Variants in MEIS2 observed in about 807,000 individuals in gnomAD.
MEIS2 encodes the protein Meis homeobox 2.
In MEIS2, 9 loss-of-function variants were observed where a neutral mutation model predicts 58.6. The ratio of observed to expected loss-of-function variants is 0.15; its 90% confidence interval spans 0.09 to 0.27. The LOEUF (loss-of-function observed/expected upper bound fraction) is 0.27. Ranked by LOEUF, MEIS2 falls within the 10% of genes least tolerant of loss-of-function variation. The pLI, the probability that MEIS2 is intolerant of heterozygous loss-of-function variation, is 1.00. For missense variants in MEIS2, 427 were observed against 635.0 expected (o/e 0.67, Z 3.52); for synonymous variants, 221 against 228.4 (o/e 0.97, Z 0.29).
chr15:36,905,386 G>T (rs2056680726), intron 9 of MEIS2, among the ~76,000 whole-genome samples: 1 of 151,874 alleles, frequency 6.6e-6, no homozygotes, highest in Non-Finnish European at 1.5e-5. Flanking sequence ...CTCTATCTAG[G>T]GGAACAGAGA....
intron 9 of MEIS2, among the ~76,000 whole-genome samples, chr15:36,904,960 G>A (rs765768411): frequency 6.6e-6 from 1 of 152,132 alleles, no homozygotes; most frequent in Non-Finnish European, 1.5e-5. Flanking sequence ...TCAACCAAGT[G>A]GGACATGCAA....
intron 9 of MEIS2, among the ~76,000 whole-genome samples, chr15:36,932,342 C>T (rs72708692): frequency 0.16 from 23,574 of 152,020 alleles, 2,104 homozygotes; most frequent in Non-Finnish European, 0.18. Flanking sequence ...GTGCTCAGGC[C>T]TCTATAGTGG....
intron 8 of MEIS2, among the ~76,000 whole-genome samples, chr15:37,009,254 A>G (rs553510841): frequency 1.6e-4 from 24 of 152,262 alleles, no homozygotes; most frequent in Non-Finnish European, 2.4e-4. Flanking sequence ...GCGCCACTGC[A>G]CTCCAGCCTG....
chr15:37,039,981 G>C (rs985414457), intron 7 of MEIS2, among the ~76,000 whole-genome samples: 2 of 151,370 alleles, frequency 1.3e-5, no homozygotes, highest in Non-Finnish European at 2.9e-5. Context: ...ACAACTGCGT[G>C]AACTGCAACC....
intron 9 of MEIS2, chr15:36,903,987 A>C (rs1324852079): frequency 6.6e-6 from 1 of 152,228 alleles, no homozygotes; most frequent in Non-Finnish European, 1.5e-5. Context: ...TCATCTGCTC[A>C]GAAGAAGATG....
intron 8 of MEIS2, among the ~76,000 whole-genome samples, chr15:36,996,415 C>G (rs528714722): frequency 1.3e-5 from 2 of 152,222 alleles, no homozygotes; most frequent in South Asian, 4.2e-4. Context: ...TCCTCCTCCC[C>G]TATTTTTTTT....
intron 8 of MEIS2, among the ~76,000 whole-genome samples, chr15:36,990,911 TGCTAAACACAAGACTATTAGG>T (rs1468912086): frequency 6.6e-6 from 1 of 152,136 alleles, no homozygotes; most frequent in Non-Finnish European, 1.5e-5. Context: ...ATCCAAAATG[TGCTAAACACAAGACTATTAGG>T]CTTTTTCCTG....
chr15:37,084,689 G>A (rs1251208670), intron 6 of MEIS2, among the ~76,000 whole-genome samples: 1 of 152,148 alleles, frequency 6.6e-6, no homozygotes, highest in Non-Finnish European at 1.5e-5. Flanking sequence ...AAGAGTTATA[G>A]CTCATGCTAC....
intron 8 of MEIS2, among the ~76,000 whole-genome samples, chr15:36,985,370 ATCT>A (rs962052768): frequency 2.0e-5 from 3 of 151,874 alleles, no homozygotes; most frequent in African/African-American, 4.8e-5. Context: ...ATCTTCTTTC[ATCT>A]TCTTCTGTTT....
At chr15:37,065,315 G>A (rs1477646873) in intron 7 of MEIS2, among the ~76,000 whole-genome samples, 3 of 152,172 alleles carry the variant, frequency 2.0e-5, no homozygotes, top group Non-Finnish European at 4.4e-5. Flanking sequence ...AACAACCCTG[G>A]AAGTCAAGAA....
chr15:36,994,204 T>G (rs1298619736), intron 8 of MEIS2, among the ~76,000 whole-genome samples: 1 of 151,860 alleles, frequency 6.6e-6, no homozygotes, highest in Non-Finnish European at 1.5e-5. Context: ...CAAACATAAG[T>G]GAGCTGGTTA....
intron 8 of MEIS2, 25 bp from the exon 9 acceptor site, chr15:36,950,425 AAG>A: frequency 6.2e-7 from 1 of 1,601,946 alleles, no homozygotes; most frequent in South Asian, 1.1e-5. Flanking sequence ...AATGTTTTAA[AAG>A]ATGGATCAGA....
At chr15:36,929,045 A>G (rs576947573) in intron 9 of MEIS2, among the ~76,000 whole-genome samples, 4 of 152,382 alleles carry the variant, frequency 2.6e-5, no homozygotes, top group South Asian at 2.1e-4. Flanking sequence ...AACTAATTAT[A>G]TAACTCTTCT....
intron 4 of MEIS2, 142 bp downstream of exon 4, chr15:37,095,422 A>G: frequency 7.6e-7 from 1 of 1,317,264 alleles, no homozygotes; most frequent in Non-Finnish European, 1.1e-6. Context: ...CGGGGGCTCT[A>G]AGCTGCTCCC....
chr15:37,099,602 A>AT lies in MEIS2; in HGVS notation c.-137dup, dbSNP rs573665579. ...ACTTCTCCCAATTCTCCAATATGCTATTTTTTAGGGGGGAAAAAAAGCCCA... is the reference window on the plus strand; with the variant it reads ...ACTTCTCCCAATTCTCCAATATGCTATTTTTTTAGGGGGGAAAAAAAGCCCA... On this transcript the variant is annotated 5_prime_UTR_variant, in exon 1 of 12. Transcript: ENST00000561208. The AT allele has an allele frequency of 2.1e-4, 263 of 1,273,488 alleles. No homozygotes were observed. In the African/African-American group the frequency reaches 3.0e-3, roughly 15 times the overall value. 78.9% of individuals were successfully genotyped at this position (1,273,488 alleles called of 1,614,324 possible).
intron 6 of MEIS2, among the ~76,000 whole-genome samples, chr15:37,092,129 A>T (rs558862917): frequency 6.6e-6 from 1 of 152,316 alleles, no homozygotes; most frequent in South Asian, 2.1e-4. Context: ...ACCATGATGG[A>T]AAAAGGTAAG....
chr15:36,977,696 C>T (rs1348315098), intron 8 of MEIS2, among the ~76,000 whole-genome samples: 1 of 152,176 alleles, frequency 6.6e-6, no homozygotes, highest in Non-Finnish European at 1.5e-5. Flanking sequence ...CAACAGCTGA[C>T]ACAGAAAGCA....
rs2059098565 is a variant in MEIS2 at position 36,959,253 on chromosome 15, G to T, written c.901-8853C>A. ...ATCTTGTTTCTACCTAGGAATTATA[G>T]ATGCCAATATCCAGATTTTTTTCCT... is the stretch of plus-strand genomic sequence containing the variant. On this transcript the variant is annotated intron_variant, in intron 8 of 11. Coordinates refer to ENST00000561208, the MANE Select transcript of MEIS2 (RefSeq NM_170675.5). 3.3e-5 allele frequency among the ~76,000 whole-genome samples: 5 copies of T among 152,232 alleles called. No individual in the cohort carries two copies. The South Asian group carries it at 1.0e-3, about 32-fold the overall frequency.
Position 36,891,562 on chromosome 15 carries a change from T to C in MEIS2, c.*611A>G, listed in dbSNP as rs755504295. 6.5e-6 allele frequency: 1 copy of C among 152,922 alleles called. No individual in the cohort carries two copies. The highest frequency in any genetic ancestry group is 1.5e-5 in the Non-Finnish European group (1 of 68,262). 9.5% of individuals were successfully genotyped at this position (152,922 alleles called of 1,614,324 possible). A position where few individuals can be genotyped will look rare whatever the true frequency, so the allele number is the denominator to read the frequency against. On this transcript the variant is annotated 3_prime_UTR_variant, in exon 12 of 12. Coordinates refer to ENST00000561208, the MANE Select transcript of MEIS2 (RefSeq NM_170675.5). ...CCCAAAAATAATAATAAGAATTGGC[T>C]TATGAAGCACGAACTATAAAGATCT...
Sources: gnomAD v4.1 joint callset for allele counts (sites outside exome capture counted in the v4.1 genomes callset) on GRCh38, gnomAD v4.1.1 for gene constraint, MANE v1.5 for transcripts, NCBI Gene and HGNC (gene_info 2026-07-23, HGNC 2026-07-21) for gene names.